PRIM2: variants seen among roughly 807,000 people sequenced by gnomAD.
PRIM2 encodes DNA primase subunit 2.
In PRIM2, 39 loss-of-function variants were observed where a neutral mutation model predicts 67.3. The observed-to-expected ratio is 0.58, with a 90% CI of 0.45 to 0.76. The LOEUF (loss-of-function observed/expected upper bound fraction) is 0.76, where lower values mean the gene tolerates loss of function less well. Ranked by LOEUF, PRIM2 falls within the 30% of genes least tolerant of loss-of-function variation. The pLI, the probability that PRIM2 is intolerant of heterozygous loss-of-function variation, is 0.00. For missense variants in PRIM2, 398 were observed against 598.7 expected (o/e 0.66, Z 3.50); for synonymous variants, 143 against 198.7 (o/e 0.72, Z 2.36).
intron 1 of PRIM2, 61 bp from the exon 2 acceptor site, chr6:57,318,376 C>CT (rs924838462): frequency 7.0e-5 from 101 of 1,442,628 alleles, no homozygotes; most frequent in South Asian, 6.7e-4. Context: ...CGTGTTTTTT[C>CT]TTTTTTTTCC....
intron 10 of PRIM2, among the ~76,000 whole-genome samples, chr6:57,562,400 T>A (rs1471472041): frequency 6.6e-6 from 1 of 152,228 alleles, no homozygotes; most frequent in Non-Finnish European, 1.5e-5. Flanking sequence ...GTGGGTTTTA[T>A]ATTCTTCTTA....
chr6:57,228,484 C>T, the PRIM2 span, among the ~76,000 whole-genome samples: 4 of 152,148 alleles, frequency 2.6e-5, 1 homozygote, highest in South Asian at 8.3e-4. Context: ...CTATTTTAAA[C>T]ATTGAGTTGC....
chr6:57,340,161 A>G lies in PRIM2; in HGVS notation c.459+14116A>G, dbSNP rs189662346. 1.1e-4 allele frequency among the ~76,000 whole-genome samples: 16 copies of G among 152,328 alleles called. No homozygotes were observed. In the South Asian group the frequency reaches 3.3e-3, roughly 32 times the overall value. On this transcript the variant is annotated intron_variant, in intron 5 of 13. Transcript: ENST00000615550. Reference sequence around the variant, plus strand: ...CAAATCAAAACCACAATGAGATACCATCTCACACCAGTTAGAATGGCAGTC... The same window carrying G: ...CAAATCAAAACCACAATGAGATACCGTCTCACACCAGTTAGAATGGCAGTC...
intron 7 of PRIM2, among the ~76,000 whole-genome samples, chr6:57,457,384 A>T (rs1772831406): frequency 6.6e-6 from 1 of 152,184 alleles, no homozygotes; most frequent in Non-Finnish European, 1.5e-5. Context: ...CTGCCTCCAG[A>T]GGTGGAGTCT....
rs200261397 is a variant in PRIM2, at chr6:57,453,212, G to C, written c.694-54175G>C. Among the ~76,000 whole-genome samples the C allele has an allele frequency of 2.0e-3, 308 of 152,296 alleles. 1 individual carries two copies. The East Asian group carries it at 0.051, about 25-fold the overall frequency. The stretch of plus-strand genomic sequence containing the variant: ...AGCCTTGTAGTATAGTTTGAAGTCA[G>C]GCAGCATGATGCCTCCAGCTTTGTT... On this transcript the variant is annotated intron_variant, in intron 7 of 13. Coordinates refer to ENST00000615550, the MANE Select transcript of PRIM2 (RefSeq NM_000947.5).
intron 9 of PRIM2, among the ~76,000 whole-genome samples, chr6:57,535,170 T>A (rs2127469291): frequency 6.6e-6 from 1 of 152,070 alleles, no homozygotes; most frequent in African/African-American, 2.4e-5. Flanking sequence ...GAAATTGAGG[T>A]GGGTCTTGAA....
intron 7 of PRIM2, among the ~76,000 whole-genome samples, chr6:57,398,341 T>A (rs1770593752): frequency 6.6e-6 from 1 of 152,120 alleles, no homozygotes; most frequent in African/African-American, 2.4e-5. Flanking sequence ...GAAATTCTAA[T>A]ATGTTGTATC....
At chr6:57,588,510 C>G (rs1776233764) in intron 10 of PRIM2, among the ~76,000 whole-genome samples, 1 of 151,552 alleles carries the variant, frequency 6.6e-6, no homozygotes, top group African/African-American at 2.4e-5. Context: ...AGACAATTCT[C>G]TGGTGAGGAG....
intron 10 of PRIM2, among the ~76,000 whole-genome samples, chr6:57,554,793 A>G (rs1207338468): frequency 6.6e-6 from 1 of 152,188 alleles, no homozygotes; most frequent in Non-Finnish European, 1.5e-5. Flanking sequence ...TTTCCTTCAT[A>G]TTTAAATCTT....
At chr6:57,301,260 G>C in the PRIM2 span, among the ~76,000 whole-genome samples, 216 of 152,242 alleles carry the variant, frequency 1.4e-3, 1 homozygote, top group African/African-American at 4.9e-3. Flanking sequence ...GGTCACGGCG[G>C]GTAGATCACC....
chr6:57,396,504 T>A lies in PRIM2; in HGVS notation c.693+14336T>A, dbSNP rs376642410. Among the ~76,000 whole-genome samples the A allele has an allele frequency of 4.0e-3, 607 of 152,320 alleles. 4 individuals are homozygous for A. Among genetic ancestry groups the A allele is most frequent in the African/African-American group, 0.014 (577 of 41,582 alleles). Reference sequence around the variant, plus strand: ...ACTTTTGGTGTCCATTTGCATGAAATGCCTTATTCCACCCCTCACTTTAAG... The same window carrying A: ...ACTTTTGGTGTCCATTTGCATGAAAAGCCTTATTCCACCCCTCACTTTAAG... On this transcript the variant is annotated intron_variant, in intron 7 of 13. Transcript: ENST00000615550.
intron 10 of PRIM2, among the ~76,000 whole-genome samples, chr6:57,577,744 G>A (rs1328541641): frequency 6.6e-6 from 1 of 152,042 alleles, no homozygotes; most frequent in East Asian, 1.9e-4. Flanking sequence ...CTTTTTATTT[G>A]TGAGAAAAGT....
At chr6:57,551,077 C>T (rs1481519456) in intron 10 of PRIM2, among the ~76,000 whole-genome samples, 7 of 152,136 alleles carry the variant, frequency 4.6e-5, no homozygotes, top group African/African-American at 1.7e-4. Flanking sequence ...TTTGAACCAT[C>T]TTTCCAGTTT....
chr6:57,554,946 G>C (rs1229390260), intron 10 of PRIM2, among the ~76,000 whole-genome samples: 10 of 152,186 alleles, frequency 6.6e-5, no homozygotes, highest in African/African-American at 2.4e-4. Flanking sequence ...AGAGAAAGCA[G>C]ACTGTGAGTG....
chr6:57,282,224 G>C, the PRIM2 span, among the ~76,000 whole-genome samples: 1 of 152,102 alleles, frequency 6.6e-6, no homozygotes, highest in African/African-American at 2.4e-5. Context: ...TATTTCTTGA[G>C]AATATCTTCT....
chr6:57,340,527 TA>T (rs1768439540), intron 5 of PRIM2, among the ~76,000 whole-genome samples: 1 of 152,190 alleles, frequency 6.6e-6, no homozygotes, highest in African/African-American at 2.4e-5. Flanking sequence ...TATGCAGCCA[TA>T]AAAAATGATG....
At chr6:57,635,818 A>G (rs1305407069) in intron 13 of PRIM2, among the ~76,000 whole-genome samples, 2,186 of 152,300 alleles carry the variant, frequency 0.014, 49 homozygotes, top group South Asian at 0.078. Flanking sequence ...GTTTCCCAGC[A>G]TCTACACATG....
intron 7 of PRIM2, among the ~76,000 whole-genome samples, chr6:57,470,817 G>T (rs1387261583): frequency 1.9e-4 from 29 of 152,060 alleles, no homozygotes; most frequent in African/African-American, 6.3e-4. Context: ...TTCTAGATTT[G>T]CATGAAAACC....
chr6:57,250,771 T>C, the PRIM2 span, among the ~76,000 whole-genome samples: 1 of 152,138 alleles, frequency 6.6e-6, no homozygotes, highest in Non-Finnish European at 1.5e-5. Flanking sequence ...AAGTAGTATT[T>C]GACTCTTTCC....
Sources: gnomAD v4.1 joint callset for allele counts (sites outside exome capture counted in the v4.1 genomes callset) on GRCh38, gnomAD v4.1.1 for gene constraint, MANE v1.5 for transcripts, NCBI Gene and HGNC (gene_info 2026-07-23, HGNC 2026-07-21) for gene names.